The following RALGAPA1 variants were observed in gnomAD, a reference collection of about 807,000 sequenced individuals.
RALGAPA1 encodes ral GTPase-activating protein subunit alpha-1.
RALGAPA1 carries 52 observed loss-of-function variants against 269.6 expected under a neutral mutation model. That is an observed-to-expected ratio of 0.19 (90% CI 0.15 to 0.24). RALGAPA1 has a LOEUF of 0.24. RALGAPA1 is among the 10% of genes least tolerant of loss of function. The pLI, the probability that RALGAPA1 is intolerant of heterozygous loss-of-function variation, is 1.00. For synonymous variants in RALGAPA1, 817 were observed against 1,008.3 expected (o/e 0.81, Z 3.60); for missense variants, 1,917 against 3,013.9 (o/e 0.64, Z 8.52).
chr14:35,684,818 A>C, intron 20 of RALGAPA1, 111 bp downstream of exon 20: 1 of 1,102,798 alleles, frequency 9.1e-7, no homozygotes, highest in Non-Finnish European at 1.3e-6. Context: ...CGTGGGAGCC[A>C]CTGCCTAAGT....
intron 11 of RALGAPA1, among the ~76,000 whole-genome samples, chr14:35,741,942 A>AG (rs1286283175): frequency 6.6e-6 from 1 of 152,178 alleles, no homozygotes; most frequent in African/African-American, 2.4e-5. Flanking sequence ...GATTCCAAGG[A>AG]GGGGGCACAA....
chr14:35,709,666 T>C (rs768039562), intron 16 of RALGAPA1, among the ~76,000 whole-genome samples: 1 of 152,142 alleles, frequency 6.6e-6, no homozygotes, highest in African/African-American at 2.4e-5. Flanking sequence ...TAGATCTTTC[T>C]TCTTTAGTAA....
Position 35,572,722 on chromosome 14 carries a change from G to C in RALGAPA1, c.7210-4C>G. The C allele has an allele frequency of 2.5e-6, 4 of 1,591,018 alleles. No homozygotes were observed. In the South Asian group the frequency reaches 4.6e-5, roughly 18 times the overall value. ...CATCATTTCCCAAATGTCTCAACTGGAAAGACAAGAAAACAATTTATACTG... is the reference window on the plus strand; with the variant it reads ...CATCATTTCCCAAATGTCTCAACTGCAAAGACAAGAAAACAATTTATACTG... On this transcript the variant is annotated splice_polypyrimidine_tract_variant and splice_region_variant and intron_variant, in intron 37 of 41. Coordinates refer to ENST00000680220, the MANE Select transcript of RALGAPA1 (RefSeq NM_001346249.2).
intron 17 of RALGAPA1, among the ~76,000 whole-genome samples, chr14:35,698,652 T>C (rs2067095107): frequency 1.3e-5 from 2 of 152,184 alleles, no homozygotes; most frequent in Non-Finnish European, 2.9e-5. Flanking sequence ...TGGTTTGCAT[T>C]AAATGCTCTA....
intron 24 of RALGAPA1, 44 bp downstream of exon 24, chr14:35,674,136 G>A (rs760777903): frequency 7.1e-7 from 1 of 1,414,006 alleles, no homozygotes. Flanking sequence ...TTAAGATTTA[G>A]TAAATGAGAA....
intron 16 of RALGAPA1, among the ~76,000 whole-genome samples, chr14:35,710,846 G>C (rs970747141): frequency 6.6e-6 from 1 of 152,014 alleles, no homozygotes; most frequent in Non-Finnish European, 1.5e-5. Flanking sequence ...ACAATATTCA[G>C]TACAGTTACA....
chr14:35,651,710 T>G (rs1440100439), intron 31 of RALGAPA1, 95 bp downstream of exon 31: 7 of 1,132,580 alleles, frequency 6.2e-6, no homozygotes, highest in Non-Finnish European at 7.2e-6. Flanking sequence ...CAAGGATAAA[T>G]TTTTACCATG....
At chr14:35,586,855 G>C (rs529493786) in intron 37 of RALGAPA1, among the ~76,000 whole-genome samples, 1 of 152,128 alleles carries the variant, frequency 6.6e-6, no homozygotes, top group Admixed American at 6.5e-5. Context: ...TGCTGGATTT[G>C]GTTTGCCAGT....
chr14:35,769,470 CAGTT>C (rs777663443), intron 4 of RALGAPA1, among the ~76,000 whole-genome samples: 26 of 152,072 alleles, frequency 1.7e-4, no homozygotes, highest in Non-Finnish European at 3.5e-4. Context: ...GGTTGAAAAA[CAGTT>C]AGGTACTATG....
chr14:35,569,165 G>T (rs10142189), intron 39 of RALGAPA1, among the ~76,000 whole-genome samples: 1 of 151,886 alleles, frequency 6.6e-6, no homozygotes, highest in Non-Finnish European at 1.5e-5. Flanking sequence ...GTCAATTTTC[G>T]TCAAAAGAAG....
intron 39 of RALGAPA1, among the ~76,000 whole-genome samples, chr14:35,552,732 A>T (rs538020183): frequency 3.3e-5 from 5 of 152,166 alleles, no homozygotes; most frequent in African/African-American, 7.2e-5. Context: ...AAAAAAAAAA[A>T]AAATAACACA....
chr14:35,683,102 G>A (rs1019752890), intron 21 of RALGAPA1, among the ~76,000 whole-genome samples: 2 of 152,106 alleles, frequency 1.3e-5, no homozygotes, highest in African/African-American at 4.8e-5. Context: ...ACTCATCAAG[G>A]GGCAAACTGT....
At chr14:35,656,601 C>G (rs2063191364) in intron 28 of RALGAPA1, among the ~76,000 whole-genome samples, 1 of 152,156 alleles carries the variant, frequency 6.6e-6, no homozygotes, top group African/African-American at 2.4e-5. Flanking sequence ...AGTATCAAAA[C>G]AGTCACCTTC....
At position 35,724,162 on chromosome 14, in the gene RALGAPA1, G is replaced by A. The variant is rs556373029; in HGVS notation, c.1866+862C>T. The stretch of plus-strand genomic sequence containing the variant: ...TTATCTTCCTGTAGCTCCCATCATC[G>A]GGTTAGCTCTAACAATGGAGAAACC... On this transcript the variant is annotated intron_variant, in intron 14 of 41. Transcript: ENST00000680220. Among the ~76,000 whole-genome samples the A allele has an allele frequency of 8.6e-5, 13 of 152,024 alleles. No homozygotes were observed. The South Asian group carries it at 1.0e-3, about 12-fold the overall frequency.
At chr14:35,625,260 AAC>A in intron 35 of RALGAPA1, 99 bp downstream of exon 35, 3 of 703,818 alleles carry the variant, frequency 4.3e-6, no homozygotes. Flanking sequence ...ATAAATCAAT[AAC>A]ACAGTATTAT....
intron 36 of RALGAPA1, among the ~76,000 whole-genome samples, chr14:35,598,520 A>G (rs2059067722): frequency 6.6e-6 from 1 of 152,048 alleles, no homozygotes; most frequent in Non-Finnish European, 1.5e-5. Context: ...CCTGGGTTCA[A>G]GCAATTCTCC....
chr14:35,658,168 A>G (rs1298758745), intron 28 of RALGAPA1, among the ~76,000 whole-genome samples: 1 of 152,216 alleles, frequency 6.6e-6, no homozygotes, highest in Admixed American at 6.5e-5. Flanking sequence ...AAATCCTTGT[A>G]AACTTAATTG....
chr14:35,736,223 T>C (rs1291754719), intron 12 of RALGAPA1, among the ~76,000 whole-genome samples: 1 of 151,984 alleles, frequency 6.6e-6, no homozygotes, highest in Non-Finnish European at 1.5e-5. Flanking sequence ...TAGACAAACG[T>C]TAAGGGAAAT....
chr14:35,652,011 T>C, intron 30 of RALGAPA1, 138 bp from the exon 31 acceptor site: 1 of 549,384 alleles, frequency 1.8e-6, no homozygotes, highest in Non-Finnish European at 3.0e-6. Flanking sequence ...ACACTGTTAT[T>C]TCAAAGTAAT....
Sources: gnomAD v4.1 joint callset for allele counts (sites outside exome capture counted in the v4.1 genomes callset) on GRCh38, gnomAD v4.1.1 for gene constraint, MANE v1.5 for transcripts, NCBI Gene and HGNC (gene_info 2026-07-23, HGNC 2026-07-21) for gene names.